Variants in MARK3 observed in about 807,000 individuals in gnomAD.
MARK3 encodes the protein MAP/microtubule affinity-regulating kinase 3.
In MARK3, 46 loss-of-function variants were observed where a neutral mutation model predicts 90.1. The ratio of observed to expected loss-of-function variants is 0.51; its 90% CI spans 0.40 to 0.65. The LOEUF is 0.65. Ranked by LOEUF, MARK3 falls within the 30% of genes least tolerant of loss-of-function variation. MARK3 has a pLI of 0.00. For missense variants in MARK3, 818 were observed against 947.2 expected (o/e 0.86, Z 1.79); for synonymous variants, 321 against 332.6 (o/e 0.97, Z 0.38).
At chr14:103,421,198 ATATAG>A (rs2092205382) in intron 2 of MARK3, among the ~76,000 whole-genome samples, 1 of 152,216 alleles carries the variant, frequency 6.6e-6, no homozygotes, top group South Asian at 2.1e-4. Flanking sequence ...AACCAATCAT[ATATAG>A]TAAAGAAGGT....
chr14:103,389,681 C>T (rs962063466), intron 1 of MARK3, among the ~76,000 whole-genome samples: 1 of 151,842 alleles, frequency 6.6e-6, no homozygotes, highest in African/African-American at 2.4e-5. Context: ...CAGTGGCTCA[C>T]GCCTGTAATC....
intron 6 of MARK3, among the ~76,000 whole-genome samples, chr14:103,458,269 G>A (rs1367702128): frequency 1.3e-5 from 2 of 152,032 alleles, no homozygotes; most frequent in African/African-American, 4.8e-5. Context: ...GACCAGCCTG[G>A]TCAACATGGT....
chr14:103,453,454 T>TA (rs953159486), intron 5 of MARK3, among the ~76,000 whole-genome samples: 1 of 152,240 alleles, frequency 6.6e-6, no homozygotes, highest in Non-Finnish European at 1.5e-5. Flanking sequence ...AGTTGGATTA[T>TA]AGTCTCATTT....
At chr14:103,452,026 C>G in intron 5 of MARK3, 43 bp downstream of exon 5, 1 of 1,372,908 alleles carries the variant, frequency 7.3e-7, no homozygotes, top group South Asian at 1.2e-5. Context: ...TTCTTTCTCC[C>G]TTTTAAAAAA....
chr14:103,414,173 G>A (rs913316089), intron 2 of MARK3, among the ~76,000 whole-genome samples: 5 of 150,086 alleles, frequency 3.3e-5, no homozygotes, highest in Non-Finnish European at 5.9e-5. Flanking sequence ...GTGAATTGGT[G>A]TATTTTTATT....
intron 2 of MARK3, among the ~76,000 whole-genome samples, chr14:103,423,860 A>G (rs529935468): frequency 2.0e-5 from 3 of 152,284 alleles, no homozygotes; most frequent in Non-Finnish European, 2.9e-5. Context: ...TTGAGCTCCT[A>G]TTTTTGCTTC....
At chr14:103,476,789 A>G (rs2093722491) in intron 13 of MARK3, among the ~76,000 whole-genome samples, 1 of 152,128 alleles carries the variant, frequency 6.6e-6, no homozygotes, top group Admixed American at 6.6e-5. Context: ...AAGGACCCCA[A>G]GGGGCTTTGC....
chr14:103,426,649 C>T (rs189168796), intron 2 of MARK3, among the ~76,000 whole-genome samples: 1 of 152,212 alleles, frequency 6.6e-6, no homozygotes, highest in African/African-American at 2.4e-5. Flanking sequence ...ATTCTTTTTC[C>T]ATAGTCCATA....
rs368649386 is a variant in MARK3, at chr14:103,405,198, G to C, written c.174G>C (p.Leu58=). ...DEQPHIGNYR[L]LKTIGKGNFA... is the part of the protein sequence containing the mutation. ...AACCTCACATCGGAAACTACAGACT[G>C]TTGAAAACAATCGGCAAGGGGAATT... The change falls in exon 2 of 18, where the codon CTG becomes CTC. Residue 58 remains leucine (L), a synonymous_variant. Transcript: ENST00000429436. 2.1e-5 allele frequency: 34 copies of C among 1,589,724 alleles called. No homozygotes were observed. The highest frequency in any genetic ancestry group is 2.8e-5 in the Non-Finnish European group (33 of 1,171,378).
At chr14:103,400,898 CAAAA>C (rs34861063) in intron 1 of MARK3, among the ~76,000 whole-genome samples, 4 of 70,038 alleles carry the variant, frequency 5.7e-5, no homozygotes, top group South Asian at 5.3e-4. Flanking sequence ...GACCCTGTCT[CAAAA>C]AAAAAAAAAA....
intron 2 of MARK3, among the ~76,000 whole-genome samples, chr14:103,409,362 C>T (rs988414199): frequency 3.5e-4 from 48 of 136,690 alleles, no homozygotes; most frequent in African/African-American, 1.3e-3. Context: ...GGTCGATGGG[C>T]GCAGCAAACC....
At chr14:103,402,676 C>T (rs1341341573) in intron 1 of MARK3, among the ~76,000 whole-genome samples, 23 of 152,064 alleles carry the variant, frequency 1.5e-4, no homozygotes, top group Admixed American at 6.6e-5. Context: ...TCAAATAAAA[C>T]GTAGAGATGA....
At chr14:103,471,666 A>G (rs2093627165) in intron 12 of MARK3, among the ~76,000 whole-genome samples, 2 of 152,146 alleles carry the variant, frequency 1.3e-5, no homozygotes, top group African/African-American at 4.8e-5. Flanking sequence ...CTCTAAAGCT[A>G]CGATGTAATC....
intron 3 of MARK3, among the ~76,000 whole-genome samples, chr14:103,440,722 CAGG>C (rs935023586): frequency 6.6e-6 from 1 of 151,828 alleles, no homozygotes; most frequent in Non-Finnish European, 1.5e-5. Flanking sequence ...CTCTCCAAGC[CAGG>C]AGTTCAAGAA....
At chr14:103,487,201 GC>G (rs1595907817) in intron 14 of MARK3, among the ~76,000 whole-genome samples, 2 of 150,048 alleles carry the variant, frequency 1.3e-5, no homozygotes, top group East Asian at 4.3e-4. Flanking sequence ...ACAGGCGTGG[GC>G]CACCACGCCC....
At chr14:103,437,768 A>C (rs1479172761) in intron 3 of MARK3, among the ~76,000 whole-genome samples, 2 of 152,216 alleles carry the variant, frequency 1.3e-5, no homozygotes, top group East Asian at 3.8e-4. Context: ...AGCCAGAATC[A>C]CAAACACATG....
intron 13 of MARK3, among the ~76,000 whole-genome samples, chr14:103,475,522 T>C (rs1287655265): frequency 6.6e-6 from 1 of 152,224 alleles, no homozygotes; most frequent in Non-Finnish European, 1.5e-5. Context: ...GTTCCGTGTC[T>C]GGCAAGGGCC....
At chr14:103,443,903 G>A (rs2092925154) in intron 3 of MARK3, among the ~76,000 whole-genome samples, 1 of 152,116 alleles carries the variant, frequency 6.6e-6, no homozygotes, top group Non-Finnish European at 1.5e-5. Flanking sequence ...GAGGCAAAGG[G>A]ACAGTTTCTG....
intron 3 of MARK3, among the ~76,000 whole-genome samples, chr14:103,432,960 A>G (rs1188225537): frequency 1.3e-5 from 2 of 152,218 alleles, no homozygotes; most frequent in African/African-American, 2.4e-5. Flanking sequence ...ACAATAGACT[A>G]TACCACATAG....
Sources: gnomAD v4.1 joint callset for allele counts (sites outside exome capture counted in the v4.1 genomes callset) on GRCh38, gnomAD v4.1.1 for gene constraint, MANE v1.5 for transcripts, NCBI Gene and HGNC (gene_info 2026-07-23, HGNC 2026-07-21) for gene names.